TUSC3: variants seen among roughly 807,000 people sequenced by gnomAD.
TUSC3 encodes tumor suppressor candidate 3.
Under a neutral mutation model 44.8 loss-of-function variants are expected in TUSC3, and 45 were observed. The ratio of observed to expected loss-of-function variants is 1.00; its 90% CI spans 0.79 to 1.29. TUSC3 has a LOEUF of 1.29. Ranked by LOEUF, TUSC3 falls within the 50% of genes most tolerant of loss-of-function variation. The pLI is 0.00. For synonymous variants in TUSC3, 212 were observed against 152.9 expected, an observed-to-expected ratio of 1.39 and a Z score of -2.85; for missense variants, 519 against 437.9, an observed-to-expected ratio of 1.19 and a Z score of -1.65.
chr8:15,556,874 G>A (rs1260936854), intron 1 of TUSC3, among the ~76,000 whole-genome samples: 6 of 142,732 alleles, frequency 4.2e-5, no homozygotes, highest in African/African-American at 1.0e-4. Context: ...TTGTAAATTT[G>A]TTTGAGTTCA....
At chr8:15,426,960 G>A (rs1396295322) in intron 1 of TUSC3, among the ~76,000 whole-genome samples, 1 of 152,078 alleles carries the variant, frequency 6.6e-6, no homozygotes, top group African/African-American at 2.4e-5. Flanking sequence ...ATTTCCCTGA[G>A]CATTAGTGAT....
intron 1 of TUSC3, among the ~76,000 whole-genome samples, chr8:15,427,741 G>T (rs1413683449): frequency 6.6e-6 from 1 of 152,054 alleles, no homozygotes; most frequent in Non-Finnish European, 1.5e-5. Context: ...GCCTCATATG[G>T]GTAACTACCA....
intron 2 of TUSC3, among the ~76,000 whole-genome samples, chr8:15,632,415 A>G (rs1805814651): frequency 6.6e-6 from 1 of 152,134 alleles, no homozygotes; most frequent in Non-Finnish European, 1.5e-5. Flanking sequence ...GAGGCCCATA[A>G]TATTAGCTTG....
chr8:15,810,277 G>A, the TUSC3 span, among the ~76,000 whole-genome samples: 1 of 152,122 alleles, frequency 6.6e-6, no homozygotes, highest in African/African-American at 2.4e-5. Context: ...CCCTGGCTTA[G>A]AGTACTGCAT....
chr8:15,599,307 T>C (rs559868011), intron 1 of TUSC3, among the ~76,000 whole-genome samples: 1 of 151,920 alleles, frequency 6.6e-6, no homozygotes, highest in African/African-American at 2.4e-5. Context: ...TTTTAAGAGG[T>C]CTTTGTATAT....
At chr8:15,781,074 A>G in the TUSC3 span, among the ~76,000 whole-genome samples, 1 of 152,184 alleles carries the variant, frequency 6.6e-6, no homozygotes, top group African/African-American at 2.4e-5. Flanking sequence ...CAGCAGCCTG[A>G]GCAGGAGCTT....
chr8:15,767,868 G>A (rs949274088), downstream of TUSC3, among the ~76,000 whole-genome samples: 2 of 152,274 alleles, frequency 1.3e-5, no homozygotes, highest in African/African-American at 4.8e-5. Context: ...TACACTGAAA[G>A]CCTGGAAGGA....
upstream of TUSC3, among the ~76,000 whole-genome samples, chr8:15,539,345 C>CTTGTTTTTT (rs1801592125): frequency 1.4e-5 from 1 of 69,394 alleles, no homozygotes; most frequent in African/African-American, 6.1e-5. Context: ...TGCTATGGTT[C>CTTGTTTTTT]TTTTTTTTTT....
At chr8:15,643,843 G>C (rs1806496068) in intron 2 of TUSC3, among the ~76,000 whole-genome samples, 1 of 152,142 alleles carries the variant, frequency 6.6e-6, no homozygotes, top group Non-Finnish European at 1.5e-5. Flanking sequence ...TCGAGGACCA[G>C]AACCTTAAGT....
chr8:15,507,924 C>G (rs975246253), intron 2 of TUSC3, among the ~76,000 whole-genome samples: 11 of 152,040 alleles, frequency 7.2e-5, no homozygotes, highest in Non-Finnish European at 1.5e-4. Flanking sequence ...AAAACTTGAG[C>G]CAAAATAACG....
intron 1 of TUSC3, among the ~76,000 whole-genome samples, chr8:15,429,251 G>C (rs1799842181): frequency 1.3e-5 from 2 of 152,052 alleles, no homozygotes; most frequent in South Asian, 2.1e-4. Flanking sequence ...TCTTCTTTTT[G>C]TCAGGTGTGT....
At position 15,673,776 on chromosome 8, in the gene TUSC3, G is replaced by A. The variant is rs756069881; in HGVS notation, c.738G>A (p.Gln246=). The part of the protein sequence containing the change: ...LCIVFAMTSG[Q]MWNHIRGPPY... ...TAGTCTTTGCTATGACTTCTGGCCA[G>A]ATGTGGAACCATATCCGTGGACCTC... Residue 246 remains glutamine (Q), a synonymous_variant, in exon 6 of 11, where the codon CAG becomes CAA. Coordinates refer to ENST00000503731, the MANE Select transcript of TUSC3 (RefSeq NM_006765.4). The A allele has an allele frequency of 6.2e-7, 1 of 1,612,882 alleles. No individual in the cohort carries two copies. The highest frequency in any genetic ancestry group is 2.2e-5 in the East Asian group (1 of 44,830).
At chr8:15,586,584 A>AGT (rs1370840122) in intron 1 of TUSC3, among the ~76,000 whole-genome samples, 1 of 152,146 alleles carries the variant, frequency 6.6e-6, no homozygotes, top group African/African-American at 2.4e-5. Context: ...CTAGATCAGG[A>AGT]GCGCTAGAGG....
At chr8:15,796,518 C>T in the TUSC3 span, among the ~76,000 whole-genome samples, 1 of 152,170 alleles carries the variant, frequency 6.6e-6, no homozygotes, top group South Asian at 2.1e-4. Flanking sequence ...CTTGAGAGAA[C>T]CACATTCATT....
At chr8:15,464,553 A>C (rs897793361) in intron 1 of TUSC3, among the ~76,000 whole-genome samples, 1 of 152,210 alleles carries the variant, frequency 6.6e-6, no homozygotes, top group African/African-American at 2.4e-5. Flanking sequence ...AAATAAAGTT[A>C]TTCAATATTT....
At chr8:15,562,980 A>C (rs1254150834) in intron 1 of TUSC3, among the ~76,000 whole-genome samples, 1 of 148,094 alleles carries the variant, frequency 6.8e-6, no homozygotes, top group Non-Finnish European at 1.5e-5. Context: ...GCTATATCAC[A>C]GGTCTTGTCC....
At chr8:15,678,751 G>C (rs1366022094) in intron 6 of TUSC3, among the ~76,000 whole-genome samples, 1 of 152,154 alleles carries the variant, frequency 6.6e-6, no homozygotes, top group Non-Finnish European at 1.5e-5. Flanking sequence ...ACACAGATAG[G>C]AATTTTTTCA....
intron 1 of TUSC3, among the ~76,000 whole-genome samples, chr8:15,477,258 T>C (rs1320918809): frequency 6.6e-6 from 1 of 152,194 alleles, no homozygotes; most frequent in Non-Finnish European, 1.5e-5. Flanking sequence ...TGAGGTTAAA[T>C]GGTGTACCTT....
the TUSC3 span, among the ~76,000 whole-genome samples, chr8:15,842,053 A>G: frequency 1.3e-5 from 2 of 152,214 alleles, no homozygotes; most frequent in Non-Finnish European, 1.5e-5. Context: ...TTAGTTCCCA[A>G]GAATGTTACC....
Sources: allele counts gnomAD v4.1 joint callset (sites outside exome capture counted in the v4.1 genomes callset), GRCh38; gene constraint gnomAD v4.1.1; transcripts MANE v1.5; gene names NCBI Gene and HGNC (gene_info 2026-07-23, HGNC 2026-07-21).